The following ACSL5 variants were observed in gnomAD, a reference collection of about 807,000 sequenced individuals.
ACSL5 encodes acyl-CoA synthetase long chain family member 5, also known as long-chain-fatty-acid--CoA ligase 5.
A neutral mutation model predicts 84.9 loss-of-function variants in ACSL5; 50 were observed. The ratio of observed to expected loss-of-function variants is 0.59; its 90% CI spans 0.47 to 0.75. ACSL5 has a LOEUF of 0.75. Among genes scored for constraint, ACSL5 ranks in the 30% least tolerant of loss-of-function variants. The pLI is 0.00. For missense variants in ACSL5, 775 were observed against 830.4 expected, an observed-to-expected ratio of 0.93 and a Z score of 0.82; for synonymous variants, 280 against 300.7, an observed-to-expected ratio of 0.93 and a Z score of 0.71.
intron 1 of ACSL5, among the ~76,000 whole-genome samples, chr10:112,390,298 C>G (rs1849531711): frequency 6.6e-6 from 1 of 152,066 alleles, no homozygotes; most frequent in African/African-American, 2.4e-5. Flanking sequence ...CATCCTTAGT[C>G]ATTAGAGAAA....
Position 112,422,363 on chromosome 10 carries a change from G to T in ACSL5, c.1515G>T (p.Leu505=). 6.2e-7 allele frequency: 1 copy of T among 1,614,194 alleles called. No homozygotes were observed. The highest frequency in any genetic ancestry group is 1.1e-5 in the South Asian group (1 of 91,082). Residue 505 remains leucine, a synonymous_variant, in exon 17 of 21, where the codon CTG becomes CTT. Coordinates refer to ENST00000354655, the MANE Select transcript of ACSL5 (RefSeq NM_203379.2). ...IKGTNVFKGY[L]KDPEKTQEAL... is the part of the protein sequence containing the mutation. ...GTACAAACGTGTTCAAAGGATACCT[G>T]AAGGACCCTGAGAAGACACAGGAAG...
intron 1 of ACSL5, among the ~76,000 whole-genome samples, chr10:112,390,655 AATAGATAG>A (rs56390024): frequency 0.16 from 23,912 of 149,434 alleles, 1,984 homozygotes; most frequent in African/African-American, 0.21. Context: ...TAGATAGATA[AATAGATAG>A]ATAGATAGAT....
At chr10:112,402,268 C>T (rs1338119821) in intron 3 of ACSL5, among the ~76,000 whole-genome samples, 1 of 152,078 alleles carries the variant, frequency 6.6e-6, no homozygotes. Flanking sequence ...GTGCCCAGCC[C>T]CCAGTATACT....
At chr10:112,376,216 T>G in intron 1 of ACSL5, 1 of 1,506,444 alleles carries the variant, frequency 6.6e-7, no homozygotes, top group South Asian at 1.3e-5. Flanking sequence ...GGAAGTGAAG[T>G]CCCCGAGCAC....
intron 2 of ACSL5, among the ~76,000 whole-genome samples, chr10:112,398,618 T>C (rs1328016339): frequency 1.3e-5 from 2 of 152,074 alleles, no homozygotes; most frequent in Non-Finnish European, 2.9e-5. Context: ...TTGGTCAGGC[T>C]GGTCTCGAAC....
At chr10:112,392,221 C>G (rs1347187407) in intron 1 of ACSL5, among the ~76,000 whole-genome samples, 2 of 152,336 alleles carry the variant, frequency 1.3e-5, no homozygotes, top group South Asian at 2.1e-4. Flanking sequence ...CCTGTAATCC[C>G]AGCACTTCGG....
chr10:112,417,660 A>G (rs1194222037), intron 13 of ACSL5, among the ~76,000 whole-genome samples, 186 bp from the exon 14 acceptor site: 1 of 152,234 alleles, frequency 6.6e-6, no homozygotes, highest in African/African-American at 2.4e-5. Context: ...TGACAATAAT[A>G]GCTAACATTT....
chr10:112,408,362 G>T, intron 5 of ACSL5, 60 bp from the exon 6 acceptor site: 10 of 988,010 alleles, frequency 1.0e-5, no homozygotes, highest in Admixed American at 2.0e-5. Context: ...TTGGCTGAAT[G>T]ACTGAACTGG....
At chr10:112,400,307 T>C (rs1843849196) in intron 3 of ACSL5, among the ~76,000 whole-genome samples, 1 of 151,950 alleles carries the variant, frequency 6.6e-6, no homozygotes, top group Non-Finnish European at 1.5e-5. Flanking sequence ...CTTTAAATTC[T>C]TGGACTCAAG....
chr10:112,414,352 C>CTTTTTTTTTT (rs34464188), intron 12 of ACSL5, among the ~76,000 whole-genome samples: 1 of 85,502 alleles, frequency 1.2e-5, no homozygotes, highest in Non-Finnish European at 2.2e-5. Flanking sequence ...TTCAGTGATT[C>CTTTTTTTTTT]TTTTTTTTTT....
intron 1 of ACSL5, among the ~76,000 whole-genome samples, chr10:112,379,126 C>A (rs190038358): frequency 1.4e-4 from 22 of 152,084 alleles, no homozygotes; most frequent in African/African-American, 5.3e-4. Context: ...GCTTGTTGGC[C>A]GGGCGCAGTG....
At chr10:112,424,571 G>C (rs1413281351) in intron 17 of ACSL5, 1 of 152,226 alleles carries the variant, frequency 6.6e-6, no homozygotes, top group Non-Finnish European at 1.5e-5. Flanking sequence ...ATAGAAGGCT[G>C]CACCTTATTA....
intron 1 of ACSL5, among the ~76,000 whole-genome samples, chr10:112,382,466 A>C (rs953000417): frequency 1.3e-5 from 2 of 152,222 alleles, no homozygotes; most frequent in African/African-American, 4.8e-5. Context: ...GAGGATGGTC[A>C]CTATGTGCAT....
intron 2 of ACSL5, among the ~76,000 whole-genome samples, chr10:112,396,969 A>G (rs1843760824): frequency 6.6e-6 from 1 of 152,142 alleles, no homozygotes; most frequent in African/African-American, 2.4e-5. Flanking sequence ...CTGTACTTTT[A>G]TAGCTCTCAC....
chr10:112,417,894 A>C lies in ACSL5; in HGVS notation c.1267A>C (p.Met423Leu), dbSNP rs1197220117. ...VRVIVTGAAP[M>L]STSVMTFFRA... ...TGTAATTGTCACTGGAGCTGCCCCC[A>C]TGTCCACTTCAGTCATGACATTCTT... Residue 423 changes from methionine to leucine, a missense_variant, in exon 14 of 21, where the codon ATG (methionine) becomes CTG (leucine). By Grantham distance (15) the Met-to-Leu change is conservative. Coordinates refer to ENST00000354655, the MANE Select transcript of ACSL5 (RefSeq NM_203379.2). The C allele has an allele frequency of 6.2e-7, 1 of 1,613,972 alleles. No individual in the cohort carries two copies. Among genetic ancestry groups the C allele is most frequent in the South Asian group, 1.1e-5 (1 of 91,046 alleles).
chr10:112,394,568 G>T (rs1843704837), intron 1 of ACSL5, among the ~76,000 whole-genome samples: 1 of 152,116 alleles, frequency 6.6e-6, no homozygotes, highest in African/African-American at 2.4e-5. Context: ...GATTATGTTG[G>T]GTCTAGCAGG....
intron 15 of ACSL5, 27 bp from the exon 16 acceptor site, chr10:112,421,920 C>G (rs770757620): frequency 1.9e-5 from 30 of 1,603,902 alleles, no homozygotes. Flanking sequence ...AAGAGTTTCT[C>G]AGCTAATTCA....
In ACSL5 at chr10:112,392,557, T is replaced by C. The variant is rs539830725; in HGVS notation, c.-29-2361T>C. 9.2e-5 allele frequency among the ~76,000 whole-genome samples: 14 copies of C among 152,092 alleles called. No homozygotes were observed. In the East Asian group the frequency reaches 2.5e-3, roughly 27 times the overall value. On this transcript the variant is annotated intron_variant, in intron 1 of 20. Coordinates refer to ENST00000354655, the MANE Select transcript of ACSL5 (RefSeq NM_203379.2). ...GAGATCGAGACCATCCTGGCCAACA[T>C]AGTGAAACCCCGTCTCTACTAAAAA...
At chr10:112,408,263 C>T (rs1589689235) in intron 5 of ACSL5, 159 bp from the exon 6 acceptor site, 3 of 536,690 alleles carry the variant, frequency 5.6e-6, no homozygotes, top group Non-Finnish European at 1.0e-5. Context: ...CACACCACTG[C>T]ACTCCAGCCT....
Sources: gnomAD v4.1 joint callset for allele counts (sites outside exome capture counted in the v4.1 genomes callset) on GRCh38, gnomAD v4.1.1 for gene constraint, MANE v1.5 for transcripts, NCBI Gene and HGNC (gene_info 2026-07-23, HGNC 2026-07-21) for gene names.